PNLDC1: variants seen among roughly 807,000 people sequenced by gnomAD.
The protein encoded by PNLDC1 is PARN like ribonuclease domain containing exonuclease 1, also known as poly(A)-specific ribonuclease PNLDC1.
PNLDC1 carries 70 observed loss-of-function variants against 82.0 expected under a neutral mutation model. That is an observed-to-expected ratio of 0.85 (90% CI 0.70 to 1.04). The LOEUF (loss-of-function observed/expected upper bound fraction) is 1.04, where lower values mean the gene tolerates loss of function less well. Among genes scored for constraint, PNLDC1 ranks in the 50% least tolerant of loss-of-function variants. PNLDC1 has a pLI of 0.00. For missense variants in PNLDC1, 631 were observed against 661.1 expected, an observed-to-expected ratio of 0.95 and a Z score of 0.50; for synonymous variants, 280 against 249.3, an observed-to-expected ratio of 1.12 and a Z score of -1.16.
At chr6:159,818,741 G>GA (rs991090291) in intron 16 of PNLDC1, 87 bp downstream of exon 16, 2 of 1,378,562 alleles carry the variant, frequency 1.5e-6, no homozygotes, top group African/African-American at 2.9e-5. Context: ...GGACTCGTGA[G>GA]AGGGATTTCG....
At chr6:159,801,263 C>T (rs1781243905) in intron 3 of PNLDC1, 77 bp downstream of exon 3, 1 of 1,340,518 alleles carries the variant, frequency 7.5e-7, no homozygotes, top group Non-Finnish European at 1.1e-6. Flanking sequence ...GTAAAAACAG[C>T]TCTGAGATTT....
chr6:159,804,152 T>C, intron 5 of PNLDC1, 64 bp downstream of exon 5: 2 of 1,575,878 alleles, frequency 1.3e-6, no homozygotes, highest in Admixed American at 3.5e-5. Flanking sequence ...AGTCTCGCTC[T>C]GTTGCCCAGG....
chr6:159,802,487 GT>G (rs989252077), intron 3 of PNLDC1, among the ~76,000 whole-genome samples: 7 of 148,788 alleles, frequency 4.7e-5, no homozygotes, highest in African/African-American at 7.4e-5. Flanking sequence ...TTCTGTTATG[GT>G]TTTTTTTTTG....
chr6:159,800,246 CGCGTGG>C, upstream of PNLDC1: 2 of 1,461,052 alleles, frequency 1.4e-6, no homozygotes, highest in East Asian at 5.1e-5. Context: ...GCGACGGAAG[CGCGTGG>C]GCAGCACGTG....
At chr6:159,810,139 C>T in intron 10 of PNLDC1, 44 bp downstream of exon 10, 1 of 1,556,078 alleles carries the variant, frequency 6.4e-7, no homozygotes, top group South Asian at 1.1e-5. Flanking sequence ...GCTAGTTTGC[C>T]ATCTGGCAGA....
At chr6:159,813,866 A>G (rs964270612) in intron 12 of PNLDC1, among the ~76,000 whole-genome samples, 2 of 152,108 alleles carry the variant, frequency 1.3e-5, no homozygotes, top group African/African-American at 4.8e-5. Context: ...AGAGACAGGA[A>G]ATCTCTCAAC....
At chr6:159,800,865 C>T in intron 2 of PNLDC1, 36 bp downstream of exon 2, 1 of 1,613,868 alleles carries the variant, frequency 6.2e-7, no homozygotes, top group Non-Finnish European at 8.5e-7. Flanking sequence ...GTATAAGAGC[C>T]TGGCCAGACC....
chr6:159,818,910 CTG>C, intron 16 of PNLDC1, 34 bp from the exon 17 acceptor site: 1 of 1,601,858 alleles, frequency 6.2e-7, no homozygotes, highest in Non-Finnish European at 8.5e-7. Context: ...TCAGGAAGAA[CTG>C]TGGAAAATCT....
chr6:159,810,762 C>T (rs777004335), intron 10 of PNLDC1, among the ~76,000 whole-genome samples: 2 of 152,156 alleles, frequency 1.3e-5, no homozygotes, highest in African/African-American at 2.4e-5. Context: ...AATTAATAAA[C>T]GTACAAAGAA....
At chr6:159,804,250 G>A (rs761385434) in intron 5 of PNLDC1, among the ~76,000 whole-genome samples, 162 bp downstream of exon 5, 4 of 152,078 alleles carry the variant, frequency 2.6e-5, no homozygotes, top group Non-Finnish European at 5.9e-5. Flanking sequence ...ACAGGCACCC[G>A]CCACCATGCC....
At chr6:159,809,942 A>G (rs1781589200) in intron 9 of PNLDC1, 84 bp from the exon 10 acceptor site, 12 of 1,163,136 alleles carry the variant, frequency 1.0e-5, no homozygotes, top group East Asian at 4.7e-5. Flanking sequence ...TTCTAACACT[A>G]TATCTTTTGC....
Position 159,813,419 on chromosome 6 carries a change from G to C in PNLDC1, c.940-182G>C, listed in dbSNP as rs141819099. On this transcript the variant is annotated intron_variant, in intron 11 of 18. Transcript: ENST00000392167. Reference sequence around the variant, plus strand: ...TTGAGAGTCCTTCTAGGAAACCCAGGAATACTGCGTACCCTGACATCCTAA... The same window carrying C: ...TTGAGAGTCCTTCTAGGAAACCCAGCAATACTGCGTACCCTGACATCCTAA... Among the ~76,000 whole-genome samples the C allele has an allele frequency of 6.6e-4, 100 of 152,270 alleles. 1 individual carries two copies. Among genetic ancestry groups the C allele is most frequent in the African/African-American group, 2.3e-3 (96 of 41,552 alleles).
At chr6:159,818,501 G>A in intron 15 of PNLDC1, 54 bp from the exon 16 acceptor site, 1 of 1,495,956 alleles carries the variant, frequency 6.7e-7, no homozygotes, top group Admixed American at 1.7e-5. Context: ...TGTGGCCGAG[G>A]AAGTGGATGA....
In PNLDC1 at chr6:159,819,173, T is replaced by C; in HGVS notation, c.1433+52T>C. 6.2e-7 allele frequency: 1 copy of C among 1,609,670 alleles called. No homozygotes were observed. The highest frequency in any genetic ancestry group is 1.1e-5 in the South Asian group (1 of 90,890). On this transcript the variant is annotated intron_variant, in intron 17 of 18. Transcript: ENST00000392167. This position sits in a 1 kb window ranked among gnomAD's most constrained non-coding sequence, Gnocchi z 4.6. Reference sequence around the variant, plus strand: ...CACCCCTCGTGCGTTCATCCCTGTATCTCTCTGACTCCACCCGCCTGATCA... The same window carrying C: ...CACCCCTCGTGCGTTCATCCCTGTACCTCTCTGACTCCACCCGCCTGATCA...
At chr6:159,818,817 A>G in intron 16 of PNLDC1, 129 bp from the exon 17 acceptor site, 2 of 1,232,242 alleles carry the variant, frequency 1.6e-6, no homozygotes, top group Non-Finnish European at 2.3e-6. Flanking sequence ...GCCAACATGG[A>G]CTCATCCTTC....
At chr6:159,809,208 C>G in intron 9 of PNLDC1, 50 bp downstream of exon 9, 1 of 1,593,040 alleles carries the variant, frequency 6.3e-7, no homozygotes, top group East Asian at 2.2e-5. Context: ...TTTAGTATTT[C>G]TGGTCATAGA....
At chr6:159,801,772 TACAC>T (rs1417033969) in intron 3 of PNLDC1, among the ~76,000 whole-genome samples, 1 of 131,056 alleles carries the variant, frequency 7.6e-6, no homozygotes, top group Non-Finnish European at 1.7e-5. Context: ...TAAGAAAATT[TACAC>T]ACAAAAATAA....
At chr6:159,818,156 G>T (rs1482022361) in intron 15 of PNLDC1, among the ~76,000 whole-genome samples, 1 of 152,248 alleles carries the variant, frequency 6.6e-6, no homozygotes, top group Non-Finnish European at 1.5e-5. Context: ...GACAGAGGGG[G>T]CACTGGCAGT....
chr6:159,800,232 C>T, upstream of PNLDC1: 1 of 1,406,494 alleles, frequency 7.1e-7, no homozygotes, highest in African/African-American at 1.4e-5. Flanking sequence ...TAAGACCCGG[C>T]GGCGCGACGG....
Sources: gnomAD v4.1 joint callset for allele counts (sites outside exome capture counted in the v4.1 genomes callset) on GRCh38, gnomAD v4.1.1 for gene constraint, Gnocchi (gnomAD v3.1) non-coding constraint, MANE v1.5 for transcripts, NCBI Gene and HGNC (gene_info 2026-07-23, HGNC 2026-07-21) for gene names.